DPH6: variants seen among roughly 807,000 people sequenced by gnomAD.
DPH6 encodes diphthamine biosynthesis 6.
In DPH6, 33 loss-of-function variants were observed where a neutral mutation model predicts 38.2. The ratio of observed to expected loss-of-function variants is 0.86; its 90% CI spans 0.65 to 1.15. DPH6 has a LOEUF of 1.15. Among genes scored for constraint, DPH6 ranks in the 50% most tolerant of loss-of-function variants. The probability of loss-of-function intolerance (pLI) is 0.00; values close to 1 mark genes in which losing one functional copy is unlikely to be tolerated. For synonymous variants in DPH6, 108 were observed against 103.0 expected (o/e 1.05, Z -0.30); for missense variants, 325 against 320.0 (o/e 1.02, Z -0.12).
chr15:35,361,581 C>T (rs887242436), intron 3 of DPH6, among the ~76,000 whole-genome samples: 1 of 151,462 alleles, frequency 6.6e-6, no homozygotes, highest in Non-Finnish European at 1.5e-5. Context: ...TTGATCATGT[C>T]CCATAAGTTC....
intron 3 of DPH6, among the ~76,000 whole-genome samples, chr15:35,242,680 A>G (rs2051608633): frequency 7.0e-6 from 1 of 143,176 alleles, no homozygotes; most frequent in East Asian, 2.2e-4. Context: ...GGACTGGACA[A>G]TACTTTTACC....
intron 3 of DPH6, among the ~76,000 whole-genome samples, chr15:35,246,850 A>T (rs902532279): frequency 6.6e-6 from 1 of 152,224 alleles, no homozygotes; most frequent in African/African-American, 2.4e-5. Flanking sequence ...CTATGGAAAC[A>T]TACTTTAGGA....
intron 2 of DPH6, among the ~76,000 whole-genome samples, chr15:35,539,745 C>G (rs983499824): frequency 6.6e-6 from 1 of 151,932 alleles, no homozygotes; most frequent in African/African-American, 2.4e-5. Flanking sequence ...CCAGGCTTTC[C>G]ATTAAATGTG....
In DPH6 at chr15:35,403,098, T is replaced by A. The variant is rs528482251; in HGVS notation, c.567+7737A>T. On this transcript the variant is annotated intron_variant, in intron 6 of 8. Transcript: ENST00000256538. ...GTATAGTTGAATCCCATTATGTAAA[T>A]AAAATATACACAAGTGTTTAACTAC... Among the ~76,000 whole-genome samples the A allele has an allele frequency of 3.7e-3, 560 of 152,104 alleles. 2 individuals are homozygous for A. The highest frequency in any genetic ancestry group is 0.012 in the African/African-American group (509 of 41,514).
At chr15:35,360,881 G>A (rs1338234518) in intron 3 of DPH6, among the ~76,000 whole-genome samples, 1 of 152,192 alleles carries the variant, frequency 6.6e-6, no homozygotes, top group Non-Finnish European at 1.5e-5. Context: ...TGTGAGGTCA[G>A]CAGGCCTGCC....
intron 3 of DPH6, chr15:35,237,285 G>T: frequency 6.5e-7 from 1 of 1,537,110 alleles, no homozygotes; most frequent in Non-Finnish European, 9.0e-7. Flanking sequence ...GTTATTGATT[G>T]AATTCCAGCG....
intron 3 of DPH6, among the ~76,000 whole-genome samples, chr15:35,283,923 T>C (rs2051920366): frequency 6.6e-6 from 1 of 152,228 alleles, no homozygotes; most frequent in African/African-American, 2.4e-5. Context: ...CTAGTGATTC[T>C]TCTGGGTCTC....
At chr15:35,484,751 A>G (rs1383134881) in intron 3 of DPH6, among the ~76,000 whole-genome samples, 1 of 152,212 alleles carries the variant, frequency 6.6e-6, no homozygotes, top group African/African-American at 2.4e-5. Flanking sequence ...GGAAATTACA[A>G]AAGGGCATGA....
At chr15:35,236,002 G>C (rs888463065) in intron 3 of DPH6, among the ~76,000 whole-genome samples, 1 of 152,156 alleles carries the variant, frequency 6.6e-6, no homozygotes, top group African/African-American at 2.4e-5. Context: ...TTTAATGTGT[G>C]ATAAGATGGA....
chr15:35,512,386 A>G (rs1305788346), intron 3 of DPH6, among the ~76,000 whole-genome samples: 1 of 152,138 alleles, frequency 6.6e-6, no homozygotes, highest in Non-Finnish European at 1.5e-5. Context: ...TTACATCTGT[A>G]ACTGTTTAAA....
intron 3 of DPH6, among the ~76,000 whole-genome samples, chr15:35,356,397 T>C (rs182114199): frequency 1.3e-5 from 2 of 152,352 alleles, no homozygotes; most frequent in Non-Finnish European, 2.9e-5. Flanking sequence ...CTCTGGTTTT[T>C]CCCCAACTTT....
intron 4 of DPH6, among the ~76,000 whole-genome samples, chr15:35,453,917 A>G (rs887537222): frequency 3.3e-5 from 5 of 152,072 alleles, no homozygotes; most frequent in Admixed American, 6.5e-5. Flanking sequence ...ATCTTATTCT[A>G]TTTATCCTTT....
chr15:35,265,084 T>C (rs1395870788), intron 3 of DPH6, among the ~76,000 whole-genome samples: 1 of 151,910 alleles, frequency 6.6e-6, no homozygotes, highest in Non-Finnish European at 1.5e-5. Context: ...CAGTGAAAAA[T>C]AATCCATCTA....
At chr15:35,322,392 G>C (rs964674557) in intron 3 of DPH6, among the ~76,000 whole-genome samples, 1 of 152,200 alleles carries the variant, frequency 6.6e-6, no homozygotes, top group African/African-American at 2.4e-5. Flanking sequence ...TCCTCCCAAG[G>C]TTAGCTTGGC....
At chr15:35,236,399 G>A (rs2140396568) in intron 3 of DPH6, among the ~76,000 whole-genome samples, 1 of 152,310 alleles carries the variant, frequency 6.6e-6, no homozygotes, top group Middle Eastern at 3.4e-3. Context: ...AGCACTTTGG[G>A]AGGCTGAGGC....
chr15:35,511,141 T>C (rs2054764118), intron 3 of DPH6, among the ~76,000 whole-genome samples: 1 of 152,154 alleles, frequency 6.6e-6, no homozygotes, highest in South Asian at 2.1e-4. Flanking sequence ...TTTAATAAGA[T>C]CCCCAAATGA....
At chr15:35,198,667 A>T in the DPH6 span, among the ~76,000 whole-genome samples, 1 of 152,204 alleles carries the variant, frequency 6.6e-6, no homozygotes, top group Admixed American at 6.5e-5. Context: ...TTTTTCTTAA[A>T]AGACACCAAA....
intron 3 of DPH6, chr15:35,237,457 GGA>G: frequency 1.9e-6 from 3 of 1,600,468 alleles, no homozygotes; most frequent in Non-Finnish European, 2.6e-6. Flanking sequence ...CTGAATAACT[GGA>G]ATTCTTCAGT....
chr15:35,384,331 AT>A (rs961164853), intron 6 of DPH6, among the ~76,000 whole-genome samples: 6 of 152,334 alleles, frequency 3.9e-5, no homozygotes, highest in East Asian at 1.9e-4. Context: ...AACAAACTAC[AT>A]TGAAAAACAC....
Sources: gnomAD v4.1 joint callset for allele counts (sites outside exome capture counted in the v4.1 genomes callset) on GRCh38, gnomAD v4.1.1 for gene constraint, MANE v1.5 for transcripts, NCBI Gene and HGNC (gene_info 2026-07-23, HGNC 2026-07-21) for gene names.